Variants in PSMD14 observed in about 807,000 individuals in gnomAD.
The protein encoded by PSMD14 is ubiquitin C-terminal hydrolase PSMD14.
A neutral mutation model predicts 41.2 loss-of-function variants in PSMD14; 7 were observed. The ratio of observed to expected loss-of-function variants is 0.17; its 90% CI spans 0.10 to 0.32. PSMD14 has a LOEUF of 0.32. Among genes scored for constraint, PSMD14 ranks in the 10% least tolerant of loss-of-function variants. The probability of loss-of-function intolerance (pLI) is 1.00; values close to 1 mark genes in which losing one functional copy is unlikely to be tolerated. For missense variants in PSMD14, 139 were observed against 375.6 expected (o/e 0.37, Z 5.21); for synonymous variants, 114 against 122.3 (o/e 0.93, Z 0.45).
intron 3 of PSMD14, among the ~76,000 whole-genome samples, chr2:161,354,823 T>C (rs761070237): frequency 1.3e-5 from 2 of 152,190 alleles, no homozygotes; most frequent in African/African-American, 2.4e-5. Context: ...TAGGGTCTCT[T>C]TATAACCAGA....
At chr2:161,316,002 T>A (rs186522516) in intron 1 of PSMD14, among the ~76,000 whole-genome samples, 1 of 151,988 alleles carries the variant, frequency 6.6e-6, no homozygotes, top group Non-Finnish European at 1.5e-5. Flanking sequence ...CCACCACGCC[T>A]GGCTAATTTT....
intron 3 of PSMD14, among the ~76,000 whole-genome samples, chr2:161,344,276 T>A (rs904028409): frequency 1.3e-5 from 2 of 152,158 alleles, no homozygotes; most frequent in Non-Finnish European, 2.9e-5. Flanking sequence ...ATAACAGATA[T>A]TCATTTCTCA....
intron 3 of PSMD14, among the ~76,000 whole-genome samples, chr2:161,349,127 A>G (rs1683084028): frequency 6.6e-6 from 1 of 152,180 alleles, no homozygotes; most frequent in Non-Finnish European, 1.5e-5. Flanking sequence ...ATTCACTGCA[A>G]ATTTTGCTAT....
chr2:161,313,012 C>A (rs1018613808), intron 1 of PSMD14, among the ~76,000 whole-genome samples: 3 of 151,982 alleles, frequency 2.0e-5, no homozygotes. Flanking sequence ...ATATGATAAG[C>A]ATTGTGTTAA....
intron 8 of PSMD14, among the ~76,000 whole-genome samples, chr2:161,386,764 G>A (rs1029716130): frequency 1.3e-5 from 2 of 151,890 alleles, no homozygotes; most frequent in Non-Finnish European, 1.5e-5. Flanking sequence ...AAAAGGTTAA[G>A]TAGCATCTCA....
At chr2:161,408,949 A>G (rs1407654539) in intron 11 of PSMD14, 50 bp downstream of exon 11, 80 of 1,468,394 alleles carry the variant, frequency 5.4e-5, no homozygotes, top group Non-Finnish European at 7.1e-5. Flanking sequence ...ACATGTTCTT[A>G]TAGAGTTAAA....
In PSMD14 at chr2:161,408,343, G is replaced by A. The variant is rs564331202; in HGVS notation, c.772-494G>A. ...TGATTTGTTTAGTGGATCAAAAGTC[G>A]GTAGCTCCTTTGATCCTAAGTGCCA... On this transcript the variant is annotated intron_variant, in intron 10 of 11. Coordinates refer to ENST00000409682, the MANE Select transcript of PSMD14 (RefSeq NM_005805.6). 1.3e-4 allele frequency: 21 copies of A among 155,934 alleles called. No individual in the cohort carries two copies. The South Asian group carries it at 3.4e-3, about 25-fold the overall frequency. 9.7% of individuals were successfully genotyped at this position (155,934 alleles called of 1,614,324 possible).
intron 3 of PSMD14, among the ~76,000 whole-genome samples, chr2:161,344,376 CTTG>C (rs1165095554): frequency 1.3e-5 from 2 of 152,176 alleles, no homozygotes; most frequent in Non-Finnish European, 2.9e-5. Context: ...CTGCTGGCTT[CTTG>C]TTGTATCCTC....
At position 161,373,181 on chromosome 2, in the gene PSMD14, T is replaced by C. The variant is rs540094802; in HGVS notation, c.462+1859T>C. On this transcript the variant is annotated intron_variant, in intron 7 of 11. Transcript: ENST00000409682. Reference sequence around the variant, plus strand: ...TTATATTAAAATGATGAATTTCATTTAAAAATATGTATGTGTCACGTCTTA... The same window carrying C: ...TTATATTAAAATGATGAATTTCATTCAAAAATATGTATGTGTCACGTCTTA... 1.2e-4 allele frequency among the ~76,000 whole-genome samples: 18 copies of C among 152,004 alleles called. No individual in the cohort carries two copies. The South Asian group carries it at 3.5e-3, about 30-fold the overall frequency.
intron 10 of PSMD14, among the ~76,000 whole-genome samples, chr2:161,407,259 A>G (rs1006012743): frequency 3.9e-5 from 6 of 152,172 alleles, no homozygotes; most frequent in African/African-American, 1.4e-4. Context: ...GAATAGTGGG[A>G]GAAGCAATTT....
At chr2:161,334,268 G>A (rs1315119184) in intron 3 of PSMD14, among the ~76,000 whole-genome samples, 1 of 152,190 alleles carries the variant, frequency 6.6e-6, no homozygotes, top group African/African-American at 2.4e-5. Context: ...CCCAGGAGGT[G>A]GAGGTTGTGT....
chr2:161,324,111 A>C (rs1682657779), intron 3 of PSMD14, among the ~76,000 whole-genome samples: 1 of 152,224 alleles, frequency 6.6e-6, no homozygotes, highest in African/African-American at 2.4e-5. Flanking sequence ...GATGGAACTT[A>C]AGCAAAATGT....
chr2:161,340,836 T>C, intron 3 of PSMD14: 2 of 1,613,958 alleles, frequency 1.2e-6, no homozygotes, highest in Non-Finnish European at 1.7e-6. Context: ...TCTCTGCTCC[T>C]CCTCCAGCTC....
chr2:161,310,573 T>C lies in PSMD14; in HGVS notation c.-138+1969T>C, dbSNP rs532212078. ...GGGAGAACTTGATTAAATAATCTCT[T>C]CTAGTTCTAAAATGATAATAATAAC... On this transcript the variant is annotated intron_variant, in intron 1 of 11. Coordinates refer to ENST00000409682, the MANE Select transcript of PSMD14 (RefSeq NM_005805.6). Among the ~76,000 whole-genome samples the C allele has an allele frequency of 2.6e-5, 4 of 152,334 alleles. No individual in the cohort carries two copies. In the East Asian group the frequency reaches 7.7e-4, roughly 29 times the overall value.
At position 161,404,219 on chromosome 2, in the gene PSMD14, T is replaced by G. The variant is rs147160690; in HGVS notation, c.772-4618T>G. Among the ~76,000 whole-genome samples, 387 of 152,292 alleles carry G rather than the reference T, an allele frequency of 2.5e-3. 1 individual carries two copies. The highest frequency in any genetic ancestry group is 4.2e-3 in the Non-Finnish European group (289 of 68,004). ...CCACTATGCCCAGCCTAATTATTAC[T>G]TTTTAATTTCCTGGTTTTACAGCTA... is the stretch of plus-strand genomic sequence containing the variant. On this transcript the variant is annotated intron_variant, in intron 10 of 11. Transcript: ENST00000409682.
At position 161,397,579 on chromosome 2, in the gene PSMD14, G is replaced by A. The variant is rs144546047; in HGVS notation, c.771+2376G>A. On this transcript the variant is annotated intron_variant, in intron 10 of 11. Coordinates refer to ENST00000409682, the MANE Select transcript of PSMD14 (RefSeq NM_005805.6). The stretch of plus-strand genomic sequence containing the variant: ...AGATTTCAGGATCATAGTTAAGATT[G>A]TTGTTGGTTATTACACCAAAACGTA... Among the ~76,000 whole-genome samples the A allele has an allele frequency of 2.6e-5, 4 of 152,308 alleles. No homozygotes were observed. The East Asian group carries it at 7.7e-4, about 29-fold the overall frequency.
intron 10 of PSMD14, among the ~76,000 whole-genome samples, chr2:161,396,248 T>C: frequency 6.6e-6 from 1 of 152,216 alleles, no homozygotes; most frequent in East Asian, 1.9e-4. Flanking sequence ...AGAAAAGGCA[T>C]AGAACAGATC....
At chr2:161,408,806 T>A (rs1351828711) in intron 10 of PSMD14, 31 bp from the exon 11 acceptor site, 1 of 1,542,492 alleles carries the variant, frequency 6.5e-7, no homozygotes, top group Non-Finnish European at 8.9e-7. Context: ...ATTTATAATT[T>A]TAAACTCTGT....
At chr2:161,369,813 A>G (rs1009418013) in intron 5 of PSMD14, among the ~76,000 whole-genome samples, 3 of 152,058 alleles carry the variant, frequency 2.0e-5, no homozygotes, top group Non-Finnish European at 4.4e-5. Flanking sequence ...GGTCTAACCA[A>G]TAGTTATGGT....
Sources: gnomAD v4.1 joint callset for allele counts (sites outside exome capture counted in the v4.1 genomes callset) on GRCh38, gnomAD v4.1.1 for gene constraint, MANE v1.5 for transcripts, NCBI Gene and HGNC (gene_info 2026-07-23, HGNC 2026-07-21) for gene names.